FBRSL1: variants seen among roughly 807,000 people sequenced by gnomAD.
The protein encoded by FBRSL1 is fibrosin like 1.
FBRSL1 carries 51 observed loss-of-function variants against 89.6 expected under a neutral mutation model. That is an observed-to-expected ratio of 0.57 (90% CI 0.45 to 0.72). The LOEUF (loss-of-function observed/expected upper bound fraction) is 0.72. Among genes scored for constraint, FBRSL1 ranks in the 30% least tolerant of loss-of-function variants. The probability of loss-of-function intolerance (pLI) is 0.00; values close to 1 mark genes in which losing one functional copy is unlikely to be tolerated. For synonymous variants in FBRSL1, 779 were observed against 681.1 expected, an observed-to-expected ratio of 1.14 and a Z score of -2.24; for missense variants, 1,618 against 1,451.8, an observed-to-expected ratio of 1.11 and a Z score of -1.86.
chr12:132,525,640 T>C (rs2035727772), intron 2 of FBRSL1, 94 bp from the exon 3 acceptor site: 1 of 1,003,446 alleles, frequency 1.0e-6, no homozygotes, highest in African/African-American at 1.6e-5. Flanking sequence ...GGTGCTGGGG[T>C]GCCGGGAGCA....
chr12:132,538,241 C>T (rs531716235), intron 4 of FBRSL1, among the ~76,000 whole-genome samples: 8 of 152,332 alleles, frequency 5.3e-5, no homozygotes, highest in African/African-American at 1.9e-4. Context: ...TCCAGCCCCA[C>T]GTTCTCGCCG....
At chr12:132,566,918 T>C (rs80269627) in intron 5 of FBRSL1, among the ~76,000 whole-genome samples, 5,001 of 152,324 alleles carry the variant, frequency 0.033, 97 homozygotes, top group Non-Finnish European at 0.042. Flanking sequence ...GCACCAGGCC[T>C]GGAGCTCAGC....
At chr12:132,515,530 C>CAAAA (rs71274843) in intron 2 of FBRSL1, among the ~76,000 whole-genome samples, 2 of 128,376 alleles carry the variant, frequency 1.6e-5, no homozygotes, top group African/African-American at 2.9e-5. Flanking sequence ...CTTAAGAAAC[C>CAAAA]AAAAAAAAAA....
At chr12:132,580,909 G>T in intron 15 of FBRSL1, 1 of 985,452 alleles carries the variant, frequency 1.0e-6, no homozygotes, top group Non-Finnish European at 1.2e-6. Context: ...CTCTCCAAGG[G>T]TTGTTGGGGG....
In FBRSL1 at chr12:132,534,581, G is replaced by A. The variant is rs202190993; in HGVS notation, c.615+6593G>A. ...AGGGCTCACTTCCCGCAGCGGGCAC[G>A]CGCTCTTTTATCTCCTGTTTTGTGG... On this transcript the variant is annotated intron_variant, in intron 4 of 18. Transcript: ENST00000680143. 1.2e-4 allele frequency among the ~76,000 whole-genome samples: 19 copies of A among 152,382 alleles called. No homozygotes were observed. The East Asian group carries it at 2.7e-3, about 22-fold the overall frequency.
At chr12:132,494,492 C>T (rs540610876) in intron 1 of FBRSL1, among the ~76,000 whole-genome samples, 13 of 152,346 alleles carry the variant, frequency 8.5e-5, no homozygotes, top group African/African-American at 2.9e-4. Context: ...TGGGCTGCAC[C>T]GCCCACTCCC....
At chr12:132,569,752 G>C (rs112500070) in intron 6 of FBRSL1, among the ~76,000 whole-genome samples, 174 bp from the exon 7 acceptor site, 1 of 152,074 alleles carries the variant, frequency 6.6e-6, no homozygotes, top group Non-Finnish European at 1.5e-5. Context: ...CTGGAGCCTC[G>C]GGTGAGATCC....
intron 8 of FBRSL1, among the ~76,000 whole-genome samples, chr12:132,570,761 G>A (rs555864793): frequency 3.3e-5 from 5 of 152,220 alleles, no homozygotes; most frequent in Admixed American, 1.3e-4. Context: ...GCCCATGCAC[G>A]TACAGACGCG....
Position 132,547,999 on chromosome 12 carries a change from G to C in FBRSL1, c.616-4G>C. On this transcript the variant is annotated splice_polypyrimidine_tract_variant and splice_region_variant and intron_variant, in intron 4 of 18. Transcript: ENST00000680143. ...GACTCACTTCTGTCTCTCTGTCCCT[G>C]CAGTGTGACAGCGAGAGCGGCCCGG... 1.3e-6 allele frequency: 2 copies of C among 1,550,092 alleles called. No individual in the cohort carries two copies. The highest frequency in any genetic ancestry group is 4.9e-5 in the East Asian group (2 of 40,902).
At chr12:132,581,985 A>C (rs923839403) in intron 17 of FBRSL1, 77 bp from the exon 18 acceptor site, 27 of 1,363,112 alleles carry the variant, frequency 2.0e-5, no homozygotes, top group Non-Finnish European at 2.7e-5. Context: ...CCCTTCTAAA[A>C]CCCCTACCGG....
intron 15 of FBRSL1, among the ~76,000 whole-genome samples, chr12:132,578,990 G>A (rs552334565): frequency 2.7e-4 from 41 of 152,188 alleles, no homozygotes; most frequent in Non-Finnish European, 5.9e-4. Flanking sequence ...CACGTGCTCA[G>A]TGTGGCGCCC....
chr12:132,517,829 AC>A (rs1396757107), intron 2 of FBRSL1, among the ~76,000 whole-genome samples: 1 of 152,006 alleles, frequency 6.6e-6, no homozygotes, highest in Non-Finnish European at 1.5e-5. Context: ...GGGAGGCAGC[AC>A]GGTTGTGGGG....
chr12:132,577,677 C>A (rs909718947), intron 15 of FBRSL1, among the ~76,000 whole-genome samples: 1 of 152,052 alleles, frequency 6.6e-6, no homozygotes, highest in African/African-American at 2.4e-5. Context: ...CGTGACCACA[C>A]CCGAGTGTCA....
At chr12:132,506,098 G>C (rs1316600674) in intron 1 of FBRSL1, among the ~76,000 whole-genome samples, 1 of 152,134 alleles carries the variant, frequency 6.6e-6, no homozygotes, top group Non-Finnish European at 1.5e-5. Context: ...CAGCACTTGT[G>C]AGCCCTGTCT....
chr12:132,522,167 G>A (rs1480102602), intron 2 of FBRSL1, among the ~76,000 whole-genome samples: 3 of 152,140 alleles, frequency 2.0e-5, no homozygotes, highest in East Asian at 1.9e-4. Context: ...GCTGCATGGC[G>A]GGGCCACTGC....
At chr12:132,514,632 G>A (rs931717920) in intron 2 of FBRSL1, among the ~76,000 whole-genome samples, 1 of 152,192 alleles carries the variant, frequency 6.6e-6, no homozygotes, top group African/African-American at 2.4e-5. Context: ...CACAGTCCCG[G>A]CCATGGTGCA....
At chr12:132,506,332 G>A (rs771283631) in intron 1 of FBRSL1, among the ~76,000 whole-genome samples, 2 of 152,230 alleles carry the variant, frequency 1.3e-5, no homozygotes, top group Non-Finnish European at 2.9e-5. Context: ...ATTTGCCCTT[G>A]ACACATGCGT....
chr12:132,561,291 C>T (rs544159515), intron 5 of FBRSL1, among the ~76,000 whole-genome samples: 29 of 152,348 alleles, frequency 1.9e-4, no homozygotes, highest in African/African-American at 6.5e-4. Context: ...AGCCGCGCGG[C>T]CCGTGCGGAA....
intron 1 of FBRSL1, among the ~76,000 whole-genome samples, chr12:132,500,985 G>A (rs906932192): frequency 6.6e-6 from 1 of 152,216 alleles, no homozygotes; most frequent in Non-Finnish European, 1.5e-5. Flanking sequence ...TCCTGTGGCC[G>A]GCGTGGCTGC....
Sources: gnomAD v4.1 joint callset for allele counts (sites outside exome capture counted in the v4.1 genomes callset) on GRCh38, gnomAD v4.1.1 for gene constraint, MANE v1.5 for transcripts, NCBI Gene and HGNC (gene_info 2026-07-23, HGNC 2026-07-21) for gene names.